Variants in FAAH2 observed in about 807,000 individuals in gnomAD.
The protein encoded by FAAH2 is fatty acid amide hydrolase 2, also known as fatty-acid amide hydrolase 2.
Under a neutral mutation model 36.9 loss-of-function variants are expected in FAAH2, and 60 were observed. The ratio of observed to expected loss-of-function variants is 1.63; its 90% CI spans 1.32 to 2.02. FAAH2 has a LOEUF of 2.02. Among genes scored for constraint, FAAH2 ranks in the 30% most tolerant of loss-of-function variants. The pLI is 0.00. For missense variants in FAAH2, 689 were observed against 397.5 expected, an observed-to-expected ratio of 1.73 and a Z score of -6.23; for synonymous variants, 214 against 143.8, an observed-to-expected ratio of 1.49 and a Z score of -3.49.
At chrX:57,372,783 G>GT (rs1310522352) in intron 5 of FAAH2, among the ~76,000 whole-genome samples, 3 of 110,358 alleles carry the variant, frequency 2.7e-5, no homozygotes, top group Non-Finnish European at 5.7e-5. Context: ...ACATAAATAA[G>GT]TTTTTTAGTG....
intron 2 of FAAH2, among the ~76,000 whole-genome samples, chrX:57,301,015 G>C (rs1027603155): frequency 2.3e-4 from 26 of 110,954 alleles, no homozygotes; most frequent in African/African-American, 8.2e-4. Context: ...ATGTTGGTGG[G>C]ACTGTAAACT....
the FAAH2 span, among the ~76,000 whole-genome samples, chrX:57,123,262 T>C: frequency 2.7e-5 from 3 of 111,855 alleles, no homozygotes; most frequent in South Asian, 3.8e-4. Context: ...GTTTGGTTTT[T>C]TGTCCTTGCG....
chrX:57,294,034 A>T (rs2052061919), intron 2 of FAAH2, among the ~76,000 whole-genome samples: 1 of 112,335 alleles, frequency 8.9e-6, no homozygotes, highest in African/African-American at 3.2e-5. Context: ...GGGCCCCCAA[A>T]TGGGCTTACT....
At chrX:57,166,818 C>T in the FAAH2 span, among the ~76,000 whole-genome samples, 11 of 111,708 alleles carry the variant, frequency 9.8e-5, no homozygotes, top group African/African-American at 3.2e-4. Context: ...AGGTCCTCAC[C>T]GTGCTTGATA....
At chrX:57,178,964 C>A in the FAAH2 span, among the ~76,000 whole-genome samples, 1 of 111,501 alleles carries the variant, frequency 9.0e-6, no homozygotes, top group Non-Finnish European at 1.9e-5. Context: ...GATTAGGGGC[C>A]TATATTCAAC....
At chrX:57,411,857 G>A (rs960057353) in intron 7 of FAAH2, among the ~76,000 whole-genome samples, 1 of 111,481 alleles carries the variant, frequency 9.0e-6, no homozygotes, top group Admixed American at 9.5e-5. Flanking sequence ...TTCCACCAGG[G>A]TGCTACACCT....
chrX:57,247,288 AG>A, the FAAH2 span, among the ~76,000 whole-genome samples: 2 of 111,288 alleles, frequency 1.8e-5, no homozygotes, highest in Non-Finnish European at 3.8e-5. Flanking sequence ...AAATAAGAAA[AG>A]TTTTTTTTAC....
chrX:57,137,313 C>T, the FAAH2 span: 10 of 758,935 alleles, frequency 1.3e-5, no homozygotes, highest in Middle Eastern at 7.6e-4. Flanking sequence ...ACAGGCGACT[C>T]GCTGAGTGAC....
chrX:57,374,306 A>G (rs1400915052), intron 5 of FAAH2, among the ~76,000 whole-genome samples: 1 of 111,613 alleles, frequency 9.0e-6, no homozygotes, highest in Non-Finnish European at 1.9e-5. Context: ...TTTTGGCAGT[A>G]TGGTATTTTC....
intron 10 of FAAH2, chrX:57,452,254 T>A (rs952727837): frequency 2.7e-6 from 2 of 753,354 alleles, no homozygotes; most frequent in African/African-American, 4.6e-5. Flanking sequence ...GCTAAGCAGA[T>A]CTTTTGTGAC....
chrX:57,324,067 A>G (rs1160735444), intron 3 of FAAH2, among the ~76,000 whole-genome samples: 4 of 111,949 alleles, frequency 3.6e-5, no homozygotes, highest in African/African-American at 1.3e-4. Context: ...ATGGCTAGCC[A>G]GTTTTCCCAG....
chrX:57,210,790 T>G, the FAAH2 span, among the ~76,000 whole-genome samples: 56 of 112,568 alleles, frequency 5.0e-4, no homozygotes, highest in Non-Finnish European at 9.4e-5. Flanking sequence ...CATAGAAATT[T>G]GAGAAAAAGA....
At chrX:57,219,432 C>A in the FAAH2 span, among the ~76,000 whole-genome samples, 3 of 111,838 alleles carry the variant, frequency 2.7e-5, no homozygotes, top group East Asian at 8.4e-4. Context: ...AGGTCCTCAG[C>A]CTCCAGTCGC....
intron 8 of FAAH2, among the ~76,000 whole-genome samples, chrX:57,433,883 A>C (rs1416911429): frequency 9.0e-6 from 1 of 111,678 alleles, no homozygotes; most frequent in Non-Finnish European, 1.9e-5. Context: ...AAATTCAAAA[A>C]TAAGAACAAT....
chrX:57,282,167 C>G (rs779224427), upstream of FAAH2, among the ~76,000 whole-genome samples: 1 of 112,205 alleles, frequency 8.9e-6, no homozygotes, highest in Non-Finnish European at 1.9e-5. Context: ...AATGGTTGAA[C>G]TAACTTATAT....
chrX:57,392,155 T>C (rs2055182112), intron 7 of FAAH2, among the ~76,000 whole-genome samples: 1 of 111,755 alleles, frequency 8.9e-6, no homozygotes, highest in Admixed American at 9.5e-5. Context: ...TTTATTTACA[T>C]TGATTTGGTA....
chrX:57,262,927 C>G, the FAAH2 span, among the ~76,000 whole-genome samples: 3 of 110,999 alleles, frequency 2.7e-5, no homozygotes, highest in Non-Finnish European at 5.7e-5. Context: ...ATAATAAAAA[C>G]TCTCAGAAAA....
the FAAH2 span, among the ~76,000 whole-genome samples, chrX:57,221,796 G>T: frequency 9.2e-6 from 1 of 108,467 alleles, no homozygotes; most frequent in African/African-American, 3.4e-5. Context: ...GAATACCCCC[G>T]ACACCCACCT....
rs776982186 is a variant in FAAH2, at chrX:57,352,018, G to A, written c.742+10628G>A. ...AATAAGGAAGCAAATATATGTGTGT[G>A]TGTATATATATATATATACATATAT... On this transcript the variant is annotated intron_variant, in intron 5 of 10. Transcript: ENST00000374900. Among the ~76,000 whole-genome samples, 6 of 13,376 alleles carry A rather than the reference G, an allele frequency of 4.5e-4. 1 individual carries two copies. Among genetic ancestry groups the A allele is most frequent in the Admixed American group, 1.8e-3 (1 of 569 alleles). 11.6% of individuals were successfully genotyped at this position (13,376 alleles called of 115,157 possible).
Sources: gnomAD v4.1 joint callset for allele counts (sites outside exome capture counted in the v4.1 genomes callset) on GRCh38, gnomAD v4.1.1 for gene constraint, MANE v1.5 for transcripts, NCBI Gene and HGNC (gene_info 2026-07-23, HGNC 2026-07-21) for gene names.